The following STAT6 variants were observed in gnomAD, a reference collection of about 807,000 sequenced individuals.
The protein encoded by STAT6 is STAT, interleukin4-induced.
STAT6 carries 45 observed loss-of-function variants against 106.3 expected under a neutral mutation model. The ratio of observed to expected loss-of-function variants is 0.42; its 90% confidence interval spans 0.33 to 0.54. The LOEUF (loss-of-function observed/expected upper bound fraction) is 0.54, where lower values mean the gene tolerates loss of function less well. STAT6 is among the 20% of genes least tolerant of loss of function. The pLI is 0.06. For missense variants in STAT6, 797 were observed against 1,062.2 expected, an observed-to-expected ratio of 0.75 and a Z score of 3.47; for synonymous variants, 413 against 413.6, an observed-to-expected ratio of 1.00 and a Z score of 0.02.
Position 57,108,284 on chromosome 12 carries a change from G to A in STAT6, c.-6C>T. 2.5e-6 allele frequency: 4 copies of A among 1,583,216 alleles called. No individual in the cohort carries two copies. In the Admixed American group the frequency reaches 5.1e-5, roughly 20 times the overall value. ...ACCAGACCCCACAGAGACATGATCT[G>A]GGACTTGGAGGTTGCCTGGAGGAGA... On this transcript the variant is annotated 5_prime_UTR_variant, in exon 2 of 22. Coordinates refer to ENST00000300134, the MANE Select transcript of STAT6 (RefSeq NM_003153.5).
intron 19 of STAT6, among the ~76,000 whole-genome samples, chr12:57,097,601 G>T (rs1372766130): frequency 6.6e-6 from 1 of 152,214 alleles, no homozygotes; most frequent in Non-Finnish European, 1.5e-5. Context: ...CGACATTTCT[G>T]TCAACTACAG....
At chr12:57,098,732 C>T (rs1273642990) in intron 18 of STAT6, 60 bp downstream of exon 18, 5 of 1,572,728 alleles carry the variant, frequency 3.2e-6, no homozygotes, top group Non-Finnish European at 4.4e-6. Context: ...CCCAGCTGCC[C>T]ATGCTAAGAT....
In STAT6 at chr12:57,096,392, G is replaced by A; in HGVS notation, c.*180C>T. The A allele has an allele frequency of 1.6e-6, 1 of 631,118 alleles. No individual in the cohort carries two copies. 39.1% of individuals were successfully genotyped at this position (631,118 alleles called of 1,614,324 possible). Reference sequence around the variant, plus strand: ...GCAGGGGAATGATAGAAAGGAAGGAGTGGATTGGCTCCACCCACTGTGCAT... The same window carrying A: ...GCAGGGGAATGATAGAAAGGAAGGAATGGATTGGCTCCACCCACTGTGCAT... On this transcript the variant is annotated 3_prime_UTR_variant, in exon 22 of 22. Coordinates refer to ENST00000300134, the MANE Select transcript of STAT6 (RefSeq NM_003153.5).
Position 57,102,474 on chromosome 12 carries a change from G to A in STAT6, c.1328C>T (p.Ala443Val). The A allele has an allele frequency of 6.2e-7, 1 of 1,613,778 alleles. No individual in the cohort carries two copies. The change falls in exon 13 of 22, where the codon GCT becomes GTT. Residue 443 changes from alanine to valine, a missense_variant. Transcript: ENST00000300134. ...SEMDRVPFVVAERVPWEKMCE... is the reference protein window; with the variant it reads ...SEMDRVPFVVVERVPWEKMCE... Reference sequence around the variant, plus strand: ...CATCTTCTCCCAGGGCACCCGCTCAGCCACCACAAAGGGCACGCGGTCCTG... The same window carrying A: ...CATCTTCTCCCAGGGCACCCGCTCAACCACCACAAAGGGCACGCGGTCCTG...
rs535195777 is a variant in STAT6 at position 57,106,078 on chromosome 12, G to C, written c.680+113C>G. On this transcript the variant is annotated intron_variant, in intron 7 of 21. Transcript: ENST00000300134. ...GCTGGAACTGGCTTTTATGCATCTT[G>C]GTCCACTCCAAGGCCCTCCCGCCTG... The C allele has an allele frequency of 2.6e-6, 4 of 1,526,006 alleles. No individual in the cohort carries two copies. The East Asian group carries it at 9.0e-5, about 35-fold the overall frequency. The allele number at this position is 1,526,006 out of a possible 1,614,324, so 94.5% of individuals were successfully genotyped here.
chr12:57,098,456 G>C, intron 19 of STAT6, 49 bp downstream of exon 19: 1 of 1,563,752 alleles, frequency 6.4e-7, no homozygotes, highest in Middle Eastern at 1.7e-4. Flanking sequence ...CAATTCAAAT[G>C]CCCACCCCCT....
chr12:57,100,739 AAAGAAAGAAAAG>A, intron 13 of STAT6: 3 of 255,344 alleles, frequency 1.2e-5, no homozygotes, highest in East Asian at 1.4e-4. Flanking sequence ...AGAAAGAAAG[AAAGAAAGAAAAG>A]AAAAAAAAAC....
At chr12:57,101,006 C>T (rs1248327153) in intron 13 of STAT6, 2 of 294,326 alleles carry the variant, frequency 6.8e-6, no homozygotes, top group Non-Finnish European at 1.4e-5. Flanking sequence ...TATAAGCTGT[C>T]AACACGTGGT....
chr12:57,096,436 C>T lies in STAT6; in HGVS notation c.*136G>A. 1 of 799,764 alleles carries T rather than the reference C, an allele frequency of 1.3e-6. No homozygotes were observed. The highest frequency in any genetic ancestry group is 2.0e-6 in the Non-Finnish European group (1 of 499,448). The allele number at this position is 799,764 out of a possible 1,614,324, so 49.5% of individuals were successfully genotyped here. ...TGTGCATTCTCCTGTTAGTCTTTTC[C>T]TCCTGACCCAGGAGTAGGTGGGGAT... On this transcript the variant is annotated 3_prime_UTR_variant, in exon 22 of 22. Coordinates refer to ENST00000300134, the MANE Select transcript of STAT6 (RefSeq NM_003153.5).
chr12:57,107,662 G>T lies in STAT6; in HGVS notation c.198C>A (p.Ala66=), dbSNP rs752356793. Residue 66 remains alanine, a synonymous_variant, in exon 3 of 22, where the codon GCC becomes GCA. Transcript: ENST00000300134. ...LLSDTVQHLQ[A]SVGEQGEGST... is the part of the protein sequence containing the mutation. Reference sequence around the variant, plus strand: ...TCCCCTCCCCCTGCTCTCCCACCGAGGCCTGAAGGTGCTGGACAGTGTCTG... The same window carrying T: ...TCCCCTCCCCCTGCTCTCCCACCGATGCCTGAAGGTGCTGGACAGTGTCTG... 6.2e-7 allele frequency: 1 copy of T among 1,614,092 alleles called. No individual in the cohort carries two copies. The highest frequency in any genetic ancestry group is 1.7e-5 in the Admixed American group (1 of 60,016).
At chr12:57,102,254 C>G in intron 13 of STAT6, 36 bp downstream of exon 13, 1 of 1,611,048 alleles carries the variant, frequency 6.2e-7, no homozygotes, top group Non-Finnish European at 8.5e-7. Flanking sequence ...GGATGAAGAG[C>G]TTGGGGGTGG....
Position 57,099,553 on chromosome 12 carries a change from G to T in STAT6, c.1745-113C>A. 6.7e-7 allele frequency: 1 copy of T among 1,487,936 alleles called. No homozygotes were observed. The highest frequency in any genetic ancestry group is 9.2e-7 in the Non-Finnish European group (1 of 1,089,974). The allele number at this position is 1,487,936 out of a possible 1,614,324, so 92.2% of individuals were successfully genotyped here. Reference sequence around the variant, plus strand: ...CCAAGGCAAGGGAGAGAGGACCTAGGGTGGGGCTCCTGAGGGAGAGAGACC... The same window carrying T: ...CCAAGGCAAGGGAGAGAGGACCTAGTGTGGGGCTCCTGAGGGAGAGAGACC... On this transcript the variant is annotated intron_variant, in intron 15 of 21. Coordinates refer to ENST00000300134, the MANE Select transcript of STAT6 (RefSeq NM_003153.5). The surrounding 1 kb of genome is among the most constrained non-coding windows in gnomAD (Gnocchi z 4.7).
intron 7 of STAT6, 104 bp downstream of exon 7, chr12:57,106,087 C>T: frequency 6.4e-7 from 1 of 1,558,876 alleles, no homozygotes; most frequent in South Asian, 1.2e-5. Context: ...TGGTCCACTC[C>T]AAGGCCCTCC....
chr12:57,099,637 G>T lies in STAT6; in HGVS notation c.1744+130C>A. 7 of 1,439,854 alleles carry T rather than the reference G, an allele frequency of 4.9e-6. No individual in the cohort carries two copies. Among genetic ancestry groups the T allele is most frequent in the South Asian group, 1.3e-5 (1 of 75,972 alleles). The allele number at this position is 1,439,854 out of a possible 1,614,324, so 89.2% of individuals were successfully genotyped here. A position where few individuals can be genotyped will look rare whatever the true frequency, so the allele number is the denominator to read the frequency against. On this transcript the variant is annotated intron_variant, in intron 15 of 21. Transcript: ENST00000300134. The surrounding 1 kb of genome is among the most constrained non-coding windows in gnomAD (Gnocchi z 4.7). The stretch of plus-strand genomic sequence containing the variant: ...GAAGGTGAACATTTAGACCACAGAA[G>T]GAAGAAGAGAAGCTGGAAGAACTTC...
In STAT6 at chr12:57,096,333, A is replaced by C; in HGVS notation, c.*239T>G. The C allele has an allele frequency of 2.0e-6, 1 of 504,060 alleles. No homozygotes were observed. The highest frequency in any genetic ancestry group is 2.9e-5 in the South Asian group (1 of 34,658). 31.2% of individuals were successfully genotyped at this position (504,060 alleles called of 1,614,324 possible). Reference sequence around the variant, plus strand: ...ATGTTGGGGTGTGTCTCAGAGCCTGAACTTCCCTTCCAGTCAGTGCTGGAA... The same window carrying C: ...ATGTTGGGGTGTGTCTCAGAGCCTGCACTTCCCTTCCAGTCAGTGCTGGAA... On this transcript the variant is annotated 3_prime_UTR_variant, in exon 22 of 22. Coordinates refer to ENST00000300134, the MANE Select transcript of STAT6 (RefSeq NM_003153.5).
At chr12:57,106,025 C>T (rs183537808) in intron 7 of STAT6, 166 bp downstream of exon 7, 31 of 1,190,034 alleles carry the variant, frequency 2.6e-5, no homozygotes, top group East Asian at 7.6e-5. Flanking sequence ...GTACAGGATG[C>T]GACCTGAACG....
At position 57,096,361 on chromosome 12, in the gene STAT6, AGGT is replaced by A; in HGVS notation, c.*208_*210del. 1 of 568,834 alleles carries A rather than the reference AGGT, an allele frequency of 1.8e-6. No individual in the cohort carries two copies. Among genetic ancestry groups the A allele is most frequent in the Non-Finnish European group, 3.1e-6 (1 of 324,472 alleles). 35.2% of individuals were successfully genotyped at this position (568,834 alleles called of 1,614,324 possible). On this transcript the variant is annotated 3_prime_UTR_variant, in exon 22 of 22. Transcript: ENST00000300134. ...TTCCCTTCCAGTCAGTGCTGGAAGG[AGGT>A]GGGCAGGGGAATGATAGAAAGGAAG...
chr12:57,096,690 C>G lies in STAT6; in HGVS notation c.2426G>C (p.Gly809Ala). The change falls in exon 22 of 22, where the codon GGG (glycine) becomes GCG (alanine). Residue 809 changes from glycine (G) to alanine (A), a missense_variant. Gly to Ala is a moderately conservative substitution (Grantham distance 60, BLOSUM62 0). Transcript: ENST00000300134. ...EQDLTKLLLE[G>A]QGESGGGSLG... ...GGACCCTCCCCCCGACTCCCCTTGC[C>G]CCTCCAGGAGAAGCTTAGTGAGGTC... The G allele has an allele frequency of 6.2e-7, 1 of 1,609,148 alleles. No individual in the cohort carries two copies. Among genetic ancestry groups the G allele is most frequent in the Non-Finnish European group, 8.5e-7 (1 of 1,178,524 alleles).
chr12:57,101,552 C>T (rs572755628), intron 13 of STAT6, among the ~76,000 whole-genome samples: 19 of 151,294 alleles, frequency 1.3e-4, no homozygotes, highest in African/African-American at 4.4e-4. Context: ...TTAGTAGAGA[C>T]GGGGTTTTGC....
Sources: allele counts gnomAD v4.1 joint callset (sites outside exome capture counted in the v4.1 genomes callset), GRCh38; gene constraint gnomAD v4.1.1; non-coding constraint Gnocchi (gnomAD v3.1); transcripts MANE v1.5; gene names NCBI Gene and HGNC (gene_info 2026-07-23, HGNC 2026-07-21).